SGSM2: variants seen among roughly 807,000 people sequenced by gnomAD.
The protein encoded by SGSM2 is small G protein signaling modulator 2.
SGSM2 carries 89 observed loss-of-function variants against 126.6 expected under a neutral mutation model. The ratio of observed to expected loss-of-function variants is 0.70; its 90% CI spans 0.59 to 0.84. The LOEUF is 0.84. SGSM2 is among the 40% of genes least tolerant of loss of function. The pLI is 0.00. For missense variants in SGSM2, 1,404 were observed against 1,416.6 expected, an observed-to-expected ratio of 0.99 and a Z score of 0.14; for synonymous variants, 614 against 574.3, an observed-to-expected ratio of 1.07 and a Z score of -0.99.
At chr17:2,340,109 T>C (rs1032676870) in intron 1 of SGSM2, among the ~76,000 whole-genome samples, 5 of 151,942 alleles carry the variant, frequency 3.3e-5, no homozygotes, top group African/African-American at 1.2e-4. Context: ...TCACAGATAA[T>C]GGGAAATACT....
At position 2,373,327 on chromosome 17, in the gene SGSM2, A is replaced by G. The variant is rs750879740; in HGVS notation, c.1918-4A>G. Reference sequence around the variant, plus strand: ...CCCATGGTCGTGGTGTGGTCTGAGTACAGGTGGACGCAGTGGTGGCAGCAA... The same window carrying G: ...CCCATGGTCGTGGTGTGGTCTGAGTGCAGGTGGACGCAGTGGTGGCAGCAA... On this transcript the variant is annotated splice_region_variant and splice_polypyrimidine_tract_variant and intron_variant, in intron 16 of 23. Coordinates refer to ENST00000268989, the MANE Select transcript of SGSM2 (RefSeq NM_014853.3). 22 of 1,611,054 alleles carry G rather than the reference A, an allele frequency of 1.4e-5. No individual in the cohort carries two copies. The highest frequency in any genetic ancestry group is 1.9e-5 in the Non-Finnish European group (22 of 1,179,184).
intron 1 of SGSM2, among the ~76,000 whole-genome samples, chr17:2,342,597 G>C (rs2064421649): frequency 6.6e-6 from 1 of 152,216 alleles, no homozygotes; most frequent in South Asian, 2.1e-4. Context: ...TGTTCAGTTT[G>C]TGAAAATTCA....
intron 2 of SGSM2, among the ~76,000 whole-genome samples, chr17:2,352,615 C>G (rs531910243): frequency 5.9e-5 from 9 of 152,216 alleles, no homozygotes; most frequent in African/African-American, 2.2e-4. Flanking sequence ...CCCACTGTTA[C>G]CAGGCTGGGC....
chr17:2,352,771 T>TC, intron 2 of SGSM2, among the ~76,000 whole-genome samples: 1 of 85,132 alleles, frequency 1.2e-5, no homozygotes, highest in Non-Finnish European at 2.0e-5. Flanking sequence ...CATTTTCTTT[T>TC]TTTTTTTTTT....
At chr17:2,377,498 A>AAAAAAAAAAAAGAAAAAAAAAAAAC (rs2066229185) in intron 21 of SGSM2, 1 of 187,964 alleles carries the variant, frequency 5.3e-6, no homozygotes. Flanking sequence ...AAAAAAAAAA[A>AAAAAAAAAAAAGAAAAAAAAAAAAC]AACCATGGTT....
Position 2,364,637 on chromosome 17 carries a change from T to C in SGSM2, c.974T>C (p.Val325Ala). ...DYALVVPFSQ[V>A]VCIHCHQQKS... The stretch of plus-strand genomic sequence containing the variant: ...GCCCTCGTGGTGCCCTTCAGCCAGG[T>C]CGTGTGCATCCACTGCCACCAGCAA... The change falls in exon 9 of 24, where the codon GTC becomes GCC. Residue 325 changes from valine (V) to alanine (A), a missense_variant. By Grantham distance (64) the Val-to-Ala change is moderately conservative (BLOSUM62 0). Coordinates refer to ENST00000268989, the MANE Select transcript of SGSM2 (RefSeq NM_014853.3). 6.2e-7 allele frequency: 1 copy of C among 1,614,172 alleles called. No homozygotes were observed. The highest frequency in any genetic ancestry group is 8.5e-7 in the Non-Finnish European group (1 of 1,180,018).
At position 2,375,529 on chromosome 17, in the gene SGSM2, C is replaced by T. The variant is rs1434908653; in HGVS notation, c.2138C>T (p.Pro713Leu). 6.2e-7 allele frequency: 1 copy of T among 1,613,296 alleles called. No homozygotes were observed. Among genetic ancestry groups the T allele is most frequent in the South Asian group, 1.1e-5 (1 of 91,056 alleles). The change falls in exon 18 of 24, where the codon CCC (proline) becomes CTC (leucine). Residue 713 changes from proline (P) to leucine (L), a missense_variant. Transcript: ENST00000268989. ...GTGGATGATCTGGAACCCCCGGAGC[C>T]CCAGGACCCTGAAGATTCCAGACCA... ...ISVDDLEPPEPQDPEDSRPKP... is the reference protein window; with the variant it reads ...ISVDDLEPPELQDPEDSRPKP...
chr17:2,366,051 C>T (rs1349612088), intron 11 of SGSM2, among the ~76,000 whole-genome samples: 1 of 152,174 alleles, frequency 6.6e-6, no homozygotes, highest in Non-Finnish European at 1.5e-5. Flanking sequence ...CCCAGCGCTT[C>T]TTTTTGGATG....
chr17:2,363,906 GT>G lies in SGSM2; in HGVS notation c.808-149del. Reference sequence around the variant, plus strand: ...AGGCTGACCAGGGAAACTGAGTCCTGTTTTCCTGTGCTTCTGCCCCGTCCCT... The same window carrying G: ...AGGCTGACCAGGGAAACTGAGTCCTGTTTCCTGTGCTTCTGCCCCGTCCCT... On this transcript the variant is annotated intron_variant, in intron 7 of 23. Coordinates refer to ENST00000268989, the MANE Select transcript of SGSM2 (RefSeq NM_014853.3). The surrounding 1 kb of genome is among the most constrained non-coding windows in gnomAD (Gnocchi z 4.2). 1.1e-6 allele frequency: 1 copy of G among 930,490 alleles called. No individual in the cohort carries two copies. The allele number at this position is 930,490 out of a possible 1,614,324, so 57.6% of individuals were successfully genotyped here.
chr17:2,338,894 A>C (rs768907747), intron 1 of SGSM2, among the ~76,000 whole-genome samples: 1 of 151,090 alleles, frequency 6.6e-6, no homozygotes, highest in Non-Finnish European at 1.5e-5. Context: ...CCCCGTCTCT[A>C]CTAAAAATAC....
rs763384413 is a variant in SGSM2, at chr17:2,372,244, C to T, written c.1632C>T (p.Ala544=). 6.2e-7 allele frequency: 1 copy of T among 1,613,110 alleles called. No individual in the cohort carries two copies. The highest frequency in any genetic ancestry group is 2.2e-5 in the East Asian group (1 of 44,866). ...ESMKRQIVSR[A]FYGWLAHCRH... is the part of the protein sequence containing the mutation. The stretch of plus-strand genomic sequence containing the variant: ...TGAAGAGGCAGATCGTGTCCCGGGC[C>T]TTCTACGGCTGTGAGTGTGGGGCGC... The change falls in exon 14 of 24, where the codon GCC becomes GCT. Residue 544 remains alanine, a synonymous_variant. Transcript: ENST00000268989. The surrounding 1 kb of genome is among the most constrained non-coding windows in gnomAD (Gnocchi z 6.0).
At position 2,363,251 on chromosome 17, in the gene SGSM2, C is replaced by A; in HGVS notation, c.672+117C>A. 1 of 1,374,430 alleles carries A rather than the reference C, an allele frequency of 7.3e-7. No homozygotes were observed. Among genetic ancestry groups the A allele is most frequent in the Non-Finnish European group, 9.7e-7 (1 of 1,031,004 alleles). 85.1% of individuals were successfully genotyped at this position (1,374,430 alleles called of 1,614,324 possible). ...TGGAGATGCCCCAAGGTAGCGGCTG[C>A]CTCAGAAGAGCCTTCTCCGCACAAT... On this transcript the variant is annotated intron_variant, in intron 6 of 23. Transcript: ENST00000268989. This position sits in a 1 kb window ranked among gnomAD's most constrained non-coding sequence, Gnocchi z 4.2.
At position 2,379,865 on chromosome 17, in the gene SGSM2, G is replaced by C; in HGVS notation, c.*345G>C. On this transcript the variant is annotated 3_prime_UTR_variant, in exon 24 of 24. Transcript: ENST00000268989. ...CCACGAGTGAACCTGGGGCCCCACA[G>C]GATTAACAGGGGCTATAGCGGCCTG... 3.8e-6 allele frequency: 5 copies of C among 1,306,006 alleles called. No homozygotes were observed. Among genetic ancestry groups the C allele is most frequent in the Non-Finnish European group, 4.9e-6 (5 of 1,021,494 alleles). The allele number at this position is 1,306,006 out of a possible 1,614,324, so 80.9% of individuals were successfully genotyped here.
intron 2 of SGSM2, among the ~76,000 whole-genome samples, chr17:2,352,847 G>A (rs926756568): frequency 1.6e-5 from 2 of 123,852 alleles, no homozygotes; most frequent in Non-Finnish European, 3.2e-5. Flanking sequence ...GCGCGATCTC[G>A]GCTCACTGCA....
At chr17:2,371,755 T>C (rs2065882328) in intron 13 of SGSM2, 1 of 385,294 alleles carries the variant, frequency 2.6e-6, no homozygotes, top group Non-Finnish European at 4.7e-6. Context: ...CCCTTCCCGA[T>C]GTGCACACAG....
chr17:2,361,746 G>T lies in SGSM2; in HGVS notation c.243G>T (p.Val81=). ...LFTKVGKTCP[V]AGEICHKVQE... ...CCAAGGTGGGGAAGACGTGCCCAGT[G>T]GCGGGGGAGATTTGCCACAAGGTAC... The change falls in exon 3 of 24, where the codon GTG becomes GTT. Residue 81 remains valine, a synonymous_variant. Transcript: ENST00000268989. The T allele has an allele frequency of 6.2e-7, 1 of 1,613,438 alleles. No homozygotes were observed. Among genetic ancestry groups the T allele is most frequent in the Non-Finnish European group, 8.5e-7 (1 of 1,179,990 alleles).
Position 2,372,977 on chromosome 17 carries a change from C to A in SGSM2, c.1813C>A (p.Arg605=). ...KKNYKELELL[R]QVYYGGIEHE... ...GAACTACAAAGAGCTGGAGCTGCTG[C>A]GGCAAGTTTACTACGGAGGCATAGA... is the stretch of plus-strand genomic sequence containing the variant. Residue 605 remains arginine (R), a synonymous_variant, in exon 16 of 24, where the codon CGG becomes AGG. Transcript: ENST00000268989. This position sits in a 1 kb window ranked among gnomAD's most constrained non-coding sequence, Gnocchi z 6.0. 1 of 1,575,624 alleles carries A rather than the reference C, an allele frequency of 6.3e-7. No individual in the cohort carries two copies. The highest frequency in any genetic ancestry group is 8.6e-7 in the Non-Finnish European group (1 of 1,160,036).
Position 2,372,415 on chromosome 17 carries a change from C to T in SGSM2, c.1715C>T (p.Pro572Leu), listed in dbSNP as rs963963704. Residue 572 changes from proline (P) to leucine (L), a missense_variant, in exon 15 of 24, where the codon CCA becomes CTA. By Grantham distance (98) the Pro-to-Leu change is moderately conservative (BLOSUM62 -3). Transcript: ENST00000268989. This position sits in a 1 kb window ranked among gnomAD's most constrained non-coding sequence, Gnocchi z 6.0. ...GCGCTGGTGCACCATAGCGTTATCC[C>T]ACCTGACCGGCCCCCGGGGGCCTCC... is the stretch of plus-strand genomic sequence containing the variant. ...LSALVHHSVIPPDRPPGASAG... is the reference protein window; with the variant it reads ...LSALVHHSVILPDRPPGASAG... 7 of 1,598,388 alleles carry T rather than the reference C, an allele frequency of 4.4e-6. 2 individuals are homozygous for T. In the Middle Eastern group the frequency reaches 8.7e-4, roughly 199 times the overall value.
intron 1 of SGSM2, among the ~76,000 whole-genome samples, chr17:2,340,238 C>G (rs1320253578): frequency 1.3e-5 from 2 of 152,018 alleles, no homozygotes; most frequent in African/African-American, 4.8e-5. Flanking sequence ...CCTCAGCCTC[C>G]CAAGTAGCTG....
Sources: gnomAD v4.1 joint callset for allele counts (sites outside exome capture counted in the v4.1 genomes callset) on GRCh38, gnomAD v4.1.1 for gene constraint, Gnocchi (gnomAD v3.1) non-coding constraint, MANE v1.5 for transcripts, NCBI Gene and HGNC (gene_info 2026-07-23, HGNC 2026-07-21) for gene names.